TCERG1L: variants seen among roughly 807,000 people sequenced by gnomAD.
TCERG1L encodes the protein transcription elongation regulator 1-like protein.
In TCERG1L, 37 loss-of-function variants were observed where a neutral mutation model predicts 56.3. The observed-to-expected ratio is 0.66, with a 90% CI of 0.51 to 0.87. The LOEUF is 0.87. TCERG1L is among the 40% of genes least tolerant of loss of function. TCERG1L has a pLI of 0.00. For missense variants in TCERG1L, 799 were observed against 774.2 expected (o/e 1.03, Z -0.38); for synonymous variants, 324 against 326.3 (o/e 0.99, Z 0.08).
At position 131,118,549 on chromosome 10, in the gene TCERG1L, C is replaced by T. The variant is rs753058914; in HGVS notation, c.1260-1615G>A. 6.6e-6 allele frequency among the ~76,000 whole-genome samples: 1 copy of T among 152,090 alleles called. No individual in the cohort carries two copies. The highest frequency in any genetic ancestry group is 1.5e-5 in the Non-Finnish European group (1 of 68,024). ...CCTACCCTTCCCTTAATCTGCTCAC[C>T]GGGACACCTTACCAGATTTCTCATC... On this transcript the variant is annotated intron_variant, in intron 8 of 11. Transcript: ENST00000368642. This position sits in a 1 kb window ranked among gnomAD's most constrained non-coding sequence, Gnocchi z 4.2.
rs908102779 is a variant in TCERG1L, at chr10:131,143,585, G to A, written c.1189+2921C>T. On this transcript the variant is annotated intron_variant, in intron 7 of 11. Transcript: ENST00000368642. The stretch of plus-strand genomic sequence containing the variant: ...TACAGGTGCACAGCCAGATGGCAGG[G>A]GGGTTTCTGCCGTCACTACCAAGAG... Among the ~76,000 whole-genome samples the A allele has an allele frequency of 3.7e-4, 56 of 152,182 alleles. 1 individual carries two copies. The highest frequency in any genetic ancestry group is 1.2e-3 in the African/African-American group (50 of 41,448).
At chr10:131,181,730 C>A (rs946810005) in intron 4 of TCERG1L, among the ~76,000 whole-genome samples, 1 of 152,246 alleles carries the variant, frequency 6.6e-6, no homozygotes, top group East Asian at 1.9e-4. Context: ...CCGTGTCCCC[C>A]CTCGCCTCCT....
chr10:131,236,000 T>C (rs1025439238), intron 4 of TCERG1L, among the ~76,000 whole-genome samples: 9 of 152,230 alleles, frequency 5.9e-5, no homozygotes, highest in Middle Eastern at 3.2e-3. Context: ...CAGTGCCCGC[T>C]ACATGAGCAA....
Position 131,197,640 on chromosome 10 carries a change from G to A in TCERG1L, c.857-30755C>T, listed in dbSNP as rs150020959. Among the ~76,000 whole-genome samples, 169 of 152,318 alleles carry A rather than the reference G, an allele frequency of 1.1e-3. 2 individuals carry two copies. The East Asian group carries it at 0.019, about 17-fold the overall frequency. On this transcript the variant is annotated intron_variant, in intron 4 of 11. Coordinates refer to ENST00000368642, the MANE Select transcript of TCERG1L (RefSeq NM_174937.4). ...ATATCCCAGTCTTCACCAACAAGCA[G>A]GTCTACCCAGGGAGATGGCCCAAAA...
intron 4 of TCERG1L, among the ~76,000 whole-genome samples, chr10:131,206,991 G>A (rs1029296655): frequency 1.4e-4 from 21 of 152,276 alleles, no homozygotes; most frequent in African/African-American, 4.1e-4. Flanking sequence ...CTTTCTTGGC[G>A]TCCCCGTGGC....
At position 131,285,493 on chromosome 10, in the gene TCERG1L, AAAG is replaced by A. The variant is rs1217379542; in HGVS notation, c.670+22715_670+22717del. Among the ~76,000 whole-genome samples, 78 of 21,984 alleles carry A rather than the reference AAAG, an allele frequency of 3.5e-3. 3 individuals are homozygous for A. Among genetic ancestry groups the A allele is most frequent in the East Asian group, 0.021 (6 of 284 alleles). 14.4% of individuals were successfully genotyped at this position (21,984 alleles called of 152,430 possible). A position where few individuals can be genotyped will look rare whatever the true frequency, so the allele number is the denominator to read the frequency against. ...GAAAGAAAGAAAGAAAGAAAGAAAG[AAAG>A]AAAGAAAGAAAGAAAGAAAGAAAGA... On this transcript the variant is annotated intron_variant, in intron 3 of 11. Transcript: ENST00000368642.
intron 5 of TCERG1L, among the ~76,000 whole-genome samples, chr10:131,166,534 A>G (rs557451045): frequency 4.1e-4 from 63 of 152,354 alleles, no homozygotes; most frequent in African/African-American, 1.5e-3. Flanking sequence ...GAAAATGGAC[A>G]AAGTTCAAAT....
intron 4 of TCERG1L, among the ~76,000 whole-genome samples, chr10:131,171,187 A>AAAGAAAG (rs111602431): frequency 0.013 from 1,403 of 109,952 alleles, 13 homozygotes; most frequent in Middle Eastern, 0.021. Context: ...ACCAAAAAAA[A>AAAGAAAG]GAAGAAAGAA....
chr10:131,276,777 T>G (rs564692398), intron 3 of TCERG1L, among the ~76,000 whole-genome samples: 1 of 152,298 alleles, frequency 6.6e-6, no homozygotes, highest in African/African-American at 2.4e-5. Flanking sequence ...GCTGCTTCCT[T>G]CCATGACTGT....
chr10:131,269,700 AC>A (rs1415992833), intron 3 of TCERG1L, among the ~76,000 whole-genome samples: 2 of 152,208 alleles, frequency 1.3e-5, no homozygotes, highest in African/African-American at 4.8e-5. Flanking sequence ...ACCACAACAG[AC>A]GTAACAATAC....
intron 3 of TCERG1L, among the ~76,000 whole-genome samples, chr10:131,278,338 CTTTTT>C (rs755934156): frequency 7.3e-6 from 1 of 137,076 alleles, no homozygotes; most frequent in East Asian, 2.1e-4. Context: ...TTTCTTTTTT[CTTTTT>C]TTTTTTTTTT....
chr10:131,099,268 G>T (rs137893972), intron 10 of TCERG1L, among the ~76,000 whole-genome samples: 127 of 152,348 alleles, frequency 8.3e-4, no homozygotes, highest in African/African-American at 2.9e-3. Flanking sequence ...ATAACGAGAT[G>T]CAATCTCTTT....
intron 4 of TCERG1L, among the ~76,000 whole-genome samples, chr10:131,172,026 A>G (rs1846097853): frequency 6.6e-6 from 1 of 152,246 alleles, no homozygotes; most frequent in African/African-American, 2.4e-5. Context: ...AAGTCAGTCC[A>G]ATTTTAATTC....
At chr10:131,122,521 T>C (rs1845523944) in intron 8 of TCERG1L, among the ~76,000 whole-genome samples, 1 of 152,254 alleles carries the variant, frequency 6.6e-6, no homozygotes, top group Non-Finnish European at 1.5e-5. Flanking sequence ...CGCTGGTTGG[T>C]GAACACATTA....
chr10:131,214,964 C>T (rs1291210157), intron 4 of TCERG1L, among the ~76,000 whole-genome samples: 2 of 152,200 alleles, frequency 1.3e-5, no homozygotes, highest in African/African-American at 2.4e-5. Context: ...ATGGCCGTGT[C>T]GGGGGCCCTG....
chr10:131,301,055 C>T (rs549517461), intron 3 of TCERG1L, among the ~76,000 whole-genome samples: 10 of 152,154 alleles, frequency 6.6e-5, no homozygotes, highest in Admixed American at 5.2e-4. Flanking sequence ...TTTCAGCCAG[C>T]CTTACATCCC....
chr10:131,181,251 G>GC lies in TCERG1L; in HGVS notation c.857-14367dup, dbSNP rs577676172. On this transcript the variant is annotated intron_variant, in intron 4 of 11. Coordinates refer to ENST00000368642, the MANE Select transcript of TCERG1L (RefSeq NM_174937.4). ...GAGAGTGGGGCCAGGCTCAGCTAAGGCCCACCTCTCTCCCTTCACCTGGCC... is the reference window on the plus strand; with the variant it reads ...GAGAGTGGGGCCAGGCTCAGCTAAGGCCCCACCTCTCTCCCTTCACCTGGCC... 2.6e-5 allele frequency among the ~76,000 whole-genome samples: 4 copies of GC among 152,278 alleles called. No homozygotes were observed. In the South Asian group the frequency reaches 8.3e-4, roughly 32 times the overall value.
At position 131,199,019 on chromosome 10, in the gene TCERG1L, C is replaced by A. The variant is rs556755225; in HGVS notation, c.857-32134G>T. Among the ~76,000 whole-genome samples, 4 of 152,314 alleles carry A rather than the reference C, an allele frequency of 2.6e-5. No homozygotes were observed. In the East Asian group the frequency reaches 7.7e-4, roughly 30 times the overall value. The stretch of plus-strand genomic sequence containing the variant: ...GAATGAGGGGAATGGAAACTTGAGG[C>A]AGCCCTGCGCAGTGAGCCCCAAGAT... On this transcript the variant is annotated intron_variant, in intron 4 of 11. Transcript: ENST00000368642.
chr10:131,153,873 G>T (rs898258648), intron 6 of TCERG1L, among the ~76,000 whole-genome samples: 2 of 152,156 alleles, frequency 1.3e-5, no homozygotes, highest in African/African-American at 4.8e-5. Flanking sequence ...AGGCCACAAA[G>T]AGCCCAGCTC....
Sources: allele counts gnomAD v4.1 joint callset (sites outside exome capture counted in the v4.1 genomes callset), GRCh38; gene constraint gnomAD v4.1.1; non-coding constraint Gnocchi (gnomAD v3.1); transcripts MANE v1.5; gene names NCBI Gene and HGNC (gene_info 2026-07-23, HGNC 2026-07-21).